The following GSAP variants were observed in gnomAD, a reference collection of about 807,000 sequenced individuals.
GSAP encodes gamma-secretase activating protein.
In GSAP, 118 loss-of-function variants were observed where a neutral mutation model predicts 131.7. The observed-to-expected ratio is 0.90, with a 90% confidence interval of 0.77 to 1.04. GSAP has a LOEUF of 1.04. GSAP is among the 50% of genes least tolerant of loss of function. The probability of loss-of-function intolerance (pLI) is 0.00; values close to 1 mark genes in which losing one functional copy is unlikely to be tolerated. For missense variants in GSAP, 1,019 were observed against 1,013.2 expected (o/e 1.01, Z -0.08); for synonymous variants, 381 against 363.4 (o/e 1.05, Z -0.55).
In GSAP at chr7:77,387,357, T is replaced by C. The variant is rs542775675; in HGVS notation, c.456+3A>G. 4.7e-6 allele frequency: 7 copies of C among 1,478,978 alleles called. No homozygotes were observed. In the East Asian group the frequency reaches 1.1e-4, roughly 24 times the overall value. The allele number at this position is 1,478,978 out of a possible 1,614,324, so 91.6% of individuals were successfully genotyped here. ...ATAAGTGATAAATGGCATGCTTACT[T>C]ACCTGAACCCAAATATAGCTATCCA... On this transcript the variant is annotated splice_donor_region_variant and intron_variant, in intron 6 of 30. Coordinates refer to ENST00000257626, the MANE Select transcript of GSAP (RefSeq NM_017439.4).
At chr7:77,384,093 T>C (rs1054571184) in intron 6 of GSAP, among the ~76,000 whole-genome samples, 1 of 152,242 alleles carries the variant, frequency 6.6e-6, no homozygotes, top group Non-Finnish European at 1.5e-5. Flanking sequence ...CAAGATACTT[T>C]GTATACCAGA....
intron 12 of GSAP, among the ~76,000 whole-genome samples, chr7:77,370,829 C>T (rs1172915769): frequency 2.0e-5 from 3 of 151,590 alleles, no homozygotes; most frequent in African/African-American, 7.3e-5. Context: ...CTACTAGACA[C>T]AGTGGACTCC....
Position 77,330,281 on chromosome 7 carries a change from G to C in GSAP, c.1632C>G (p.Asn544Lys), listed in dbSNP as rs147426390. 2 of 1,613,484 alleles carry C rather than the reference G, an allele frequency of 1.2e-6. No homozygotes were observed. Among genetic ancestry groups the C allele is most frequent in the South Asian group, 2.2e-5 (2 of 91,020 alleles). Reference protein sequence around the residue: ...KYAKPHFHYNNSVVRREWHNL... With the variant: ...KYAKPHFHYNKSVVRREWHNL... Reference sequence around the variant, plus strand: ...TGTGCCACTCTCTCCTGACCACACTGTTGTTATAGTGGAAGTGTGGCTTGG... The same window carrying C: ...TGTGCCACTCTCTCCTGACCACACTCTTGTTATAGTGGAAGTGTGGCTTGG... The change falls in exon 20 of 31, where the codon AAC becomes AAG. Residue 544 changes from asparagine (N) to lysine (K), a missense_variant. Coordinates refer to ENST00000257626, the MANE Select transcript of GSAP (RefSeq NM_017439.4).
At chr7:77,378,529 AC>A (rs200908690) in intron 8 of GSAP, among the ~76,000 whole-genome samples, 5,513 of 142,560 alleles carry the variant, frequency 0.039, 110 homozygotes, top group African/African-American at 0.062. Flanking sequence ...ACAAAAAAAA[AC>A]AAAGGCAGAA....
At chr7:77,388,939 A>G (rs1798983704) in intron 5 of GSAP, among the ~76,000 whole-genome samples, 1 of 152,196 alleles carries the variant, frequency 6.6e-6, no homozygotes, top group South Asian at 2.1e-4. Context: ...TGTTTGGTAA[A>G]TGGGTGCTTG....
At chr7:77,335,799 C>G (rs1475317364) in intron 19 of GSAP, among the ~76,000 whole-genome samples, 1 of 152,232 alleles carries the variant, frequency 6.6e-6, no homozygotes, top group African/African-American at 2.4e-5. Context: ...ACCCTTTCCT[C>G]TGTGTGCCAG....
At chr7:77,392,829 T>C (rs975990109) in intron 5 of GSAP, among the ~76,000 whole-genome samples, 2 of 152,184 alleles carry the variant, frequency 1.3e-5, no homozygotes, top group African/African-American at 4.8e-5. Flanking sequence ...CTGTGACACT[T>C]GACTGTCTAT....
chr7:77,334,757 A>G (rs562603258), intron 19 of GSAP, among the ~76,000 whole-genome samples: 1 of 152,130 alleles, frequency 6.6e-6, no homozygotes, highest in African/African-American at 2.4e-5. Flanking sequence ...AGAGCTAATA[A>G]AGCTTTAAAA....
chr7:77,381,735 A>G (rs1797842555), intron 7 of GSAP, among the ~76,000 whole-genome samples: 1 of 152,032 alleles, frequency 6.6e-6, no homozygotes, highest in South Asian at 2.1e-4. Flanking sequence ...CCAAATACCA[A>G]ACACTTGTTT....
At chr7:77,371,626 G>A (rs563685928) in intron 12 of GSAP, among the ~76,000 whole-genome samples, 10 of 152,062 alleles carry the variant, frequency 6.6e-5, no homozygotes, top group Non-Finnish European at 1.2e-4. Context: ...TACTAGAGAC[G>A]GGGTTTCGCC....
At chr7:77,323,783 A>G (rs1243599788) in intron 23 of GSAP, 41 bp from the exon 24 acceptor site, 1 of 865,700 alleles carries the variant, frequency 1.2e-6, no homozygotes, top group South Asian at 1.5e-5. Context: ...CAGCCTACCC[A>G]CTCATACCTG....
At chr7:77,313,944 G>A (rs189531691) in intron 27 of GSAP, among the ~76,000 whole-genome samples, 48 of 152,320 alleles carry the variant, frequency 3.2e-4, no homozygotes, top group African/African-American at 1.1e-3. Context: ...AGATGACAGA[G>A]TTAATCAGCT....
At chr7:77,357,813 C>T (rs935282721) in intron 14 of GSAP, among the ~76,000 whole-genome samples, 48 of 152,126 alleles carry the variant, frequency 3.2e-4, no homozygotes, top group African/African-American at 1.1e-3. Context: ...TTTGGTTTAG[C>T]CCCTTCAAGA....
At chr7:77,398,512 C>T (rs559299551) in intron 3 of GSAP, among the ~76,000 whole-genome samples, 6 of 151,966 alleles carry the variant, frequency 3.9e-5, no homozygotes, top group African/African-American at 9.7e-5. Context: ...ACAAAGATAA[C>T]GTAAGTATAA....
At chr7:77,323,295 T>G (rs535962810) in intron 24 of GSAP, among the ~76,000 whole-genome samples, 113 of 152,182 alleles carry the variant, frequency 7.4e-4, no homozygotes, top group Non-Finnish European at 1.3e-3. Flanking sequence ...TCAAGTTCTC[T>G]CCTGTCTGCA....
chr7:77,384,413 A>G (rs998087558), intron 6 of GSAP, among the ~76,000 whole-genome samples: 5 of 152,258 alleles, frequency 3.3e-5, no homozygotes, highest in Admixed American at 2.0e-4. Context: ...CCTGGAAGCC[A>G]AAAGTAGACA....
chr7:77,374,191 T>A, intron 11 of GSAP, 36 bp from the exon 12 acceptor site: 1 of 1,040,550 alleles, frequency 9.6e-7, no homozygotes, highest in Non-Finnish European at 1.5e-6. Context: ...ATTGAATGCA[T>A]TTAAAAATAC....
rs557332015 is a variant in GSAP, at chr7:77,344,186, A to G, written c.1545+5165T>C. On this transcript the variant is annotated intron_variant, in intron 19 of 30. Coordinates refer to ENST00000257626, the MANE Select transcript of GSAP (RefSeq NM_017439.4). Reference sequence around the variant, plus strand: ...TGGCCTTCCCACCTCTATACAGTCCAATAACACACAGGCCTTTACTAGTCA... The same window carrying G: ...TGGCCTTCCCACCTCTATACAGTCCGATAACACACAGGCCTTTACTAGTCA... Among the ~76,000 whole-genome samples, 3 of 152,288 alleles carry G rather than the reference A, an allele frequency of 2.0e-5. No individual in the cohort carries two copies. The East Asian group carries it at 5.8e-4, about 29-fold the overall frequency.
At position 77,352,954 on chromosome 7, in the gene GSAP, G is replaced by T. The variant is rs1793104105; in HGVS notation, c.1481C>A (p.Thr494Asn). The change falls in exon 18 of 31, where the codon ACT becomes AAT. Residue 494 changes from threonine (T) to asparagine (N), a missense_variant. Transcript: ENST00000257626. ...ACAGTGTTAACTTACTGTATTCCAA[G>T]TGAGCACTGAGGAATGTGGCAATAG... ...DKLLPHSSVL[T>N]WNTEIPGITL... 1 of 1,577,100 alleles carries T rather than the reference G, an allele frequency of 6.3e-7. No individual in the cohort carries two copies. The highest frequency in any genetic ancestry group is 8.7e-7 in the Non-Finnish European group (1 of 1,146,430).
Sources: gnomAD v4.1 joint callset for allele counts (sites outside exome capture counted in the v4.1 genomes callset) on GRCh38, gnomAD v4.1.1 for gene constraint, MANE v1.5 for transcripts, NCBI Gene and HGNC (gene_info 2026-07-23, HGNC 2026-07-21) for gene names.